BIRC6: variants seen among roughly 807,000 people sequenced by gnomAD.
BIRC6 encodes dual E2 ubiquitin-conjugating enzyme/E3 ubiquitin-protein ligase BIRC6.
Under a neutral mutation model 503.3 loss-of-function variants are expected in BIRC6, and 98 were observed. That is an observed-to-expected ratio of 0.19 (90% CI 0.17 to 0.23). BIRC6 has a LOEUF of 0.23. BIRC6 is among the 10% of genes least tolerant of loss of function. The pLI is 1.00. For synonymous variants in BIRC6, 2,240 were observed against 2,078.7 expected (o/e 1.08, Z -2.11); for missense variants, 5,360 against 5,806.0 (o/e 0.92, Z 2.50).
rs572252362 is a variant in BIRC6 at position 32,616,286 on chromosome 2, A to T, written c.14395-1439A>T. ...TTCTATAGGCTGGGTGAATCTGGGT[A>T]CAGATTCACACCTGTAATCCCAGCA... On this transcript the variant is annotated intron_variant, in intron 73 of 73. Coordinates refer to ENST00000421745, the MANE Select transcript of BIRC6 (RefSeq NM_016252.4). Among the ~76,000 whole-genome samples the T allele has an allele frequency of 1.4e-4, 21 of 152,162 alleles. 1 individual carries two copies. Among genetic ancestry groups the T allele is most frequent in the African/African-American group, 4.8e-4 (20 of 41,520 alleles).
At chr2:32,544,528 A>G (rs1221404897) in intron 62 of BIRC6, among the ~76,000 whole-genome samples, 1 of 133,968 alleles carries the variant, frequency 7.5e-6, no homozygotes, top group African/African-American at 2.8e-5. Context: ...TATTTATTCT[A>G]TTAATATTTA....
Position 32,484,173 on chromosome 2 carries a change from G to C in BIRC6, c.7697-1470G>C, listed in dbSNP as rs543378879. 5.3e-5 allele frequency among the ~76,000 whole-genome samples: 8 copies of C among 152,176 alleles called. No individual in the cohort carries two copies. In the East Asian group the frequency reaches 1.5e-3, roughly 29 times the overall value. ...ATTAAAGGTGTGAGCCATTGTGCCC[G>C]GCTGCTGTAAAAAGTTTTTTGGGGG... On this transcript the variant is annotated intron_variant, in intron 39 of 73. Transcript: ENST00000421745.
chr2:32,515,357 C>T lies in BIRC6; in HGVS notation c.10936C>T (p.His3646Tyr). Residue 3646 changes from histidine to tyrosine, a missense_variant, in exon 55 of 74, where the codon CAC becomes TAC. Physicochemically the swap from His to Tyr is moderately conservative, Grantham distance 83. Coordinates refer to ENST00000421745, the MANE Select transcript of BIRC6 (RefSeq NM_016252.4). Reference sequence around the variant, plus strand: ...GAGTCTGGCTAGTTTCTGCTTTAGCCACATTTCTAGCTCAGAAAGCATTGC... The same window carrying T: ...GAGTCTGGCTAGTTTCTGCTTTAGCTACATTTCTAGCTCAGAAAGCATTGC... The part of the protein sequence containing the change: ...VRSLASFCFS[H>Y]ISSSESIAQS... 9 of 1,613,692 alleles carry T rather than the reference C, an allele frequency of 5.6e-6. No homozygotes were observed. The highest frequency in any genetic ancestry group is 6.8e-6 in the Non-Finnish European group (8 of 1,179,888).
At chr2:32,444,031 G>GTTTTTT (rs776568064) in intron 20 of BIRC6, among the ~76,000 whole-genome samples, 1 of 136,880 alleles carries the variant, frequency 7.3e-6, no homozygotes, top group Non-Finnish European at 1.6e-5. Context: ...GGGACCAGTG[G>GTTTTTT]TTTTTTTTTT....
At chr2:32,550,962 A>G (rs1223844781) in intron 65 of BIRC6, among the ~76,000 whole-genome samples, 1 of 152,124 alleles carries the variant, frequency 6.6e-6, no homozygotes, top group African/African-American at 2.4e-5. Context: ...CCTGGAAAAA[A>G]GAAATTTCTT....
intron 24 of BIRC6, among the ~76,000 whole-genome samples, chr2:32,463,886 C>T (rs1394757656): frequency 6.6e-6 from 1 of 152,206 alleles, no homozygotes; most frequent in African/African-American, 2.4e-5. Context: ...AAGCAAGCAC[C>T]ACCTGAGCTC....
intron 6 of BIRC6, among the ~76,000 whole-genome samples, chr2:32,397,779 C>T (rs1196077967): frequency 6.6e-6 from 1 of 151,600 alleles, no homozygotes; most frequent in Non-Finnish European, 1.5e-5. Context: ...GTTATTTAAC[C>T]TATACCTGAA....
intron 67 of BIRC6, among the ~76,000 whole-genome samples, chr2:32,594,524 G>A (rs762839594): frequency 3.3e-5 from 5 of 152,130 alleles, no homozygotes; most frequent in African/African-American, 4.8e-5. Context: ...GTGAAACCCC[G>A]TCTCTACGAA....
chr2:32,401,068 G>A, intron 6 of BIRC6, 95 bp from the exon 7 acceptor site: 1 of 1,072,514 alleles, frequency 9.3e-7, no homozygotes, highest in African/African-American at 1.6e-5. Context: ...TTTAAGTTCA[G>A]TTAAAAAAAG....
At chr2:32,560,450 A>G (rs1285160081) in intron 65 of BIRC6, among the ~76,000 whole-genome samples, 2 of 152,220 alleles carry the variant, frequency 1.3e-5, no homozygotes, top group Admixed American at 6.5e-5. Flanking sequence ...GGCCTCTCCT[A>G]ATGCTAACTC....
At chr2:32,489,451 G>C (rs1265668998) in intron 42 of BIRC6, among the ~76,000 whole-genome samples, 1 of 151,268 alleles carries the variant, frequency 6.6e-6, no homozygotes, top group Admixed American at 6.6e-5. Flanking sequence ...AATAAAATTT[G>C]TTTTCATCTG....
At chr2:32,446,955 T>C (rs562450605) in intron 21 of BIRC6, among the ~76,000 whole-genome samples, 180 of 107,584 alleles carry the variant, frequency 1.7e-3, no homozygotes, top group Admixed American at 2.5e-3. Context: ...GTGATGACTC[T>C]TAACGAGCAT....
intron 58 of BIRC6, 95 bp downstream of exon 58, chr2:32,525,114 AAT>A: frequency 9.0e-7 from 1 of 1,108,548 alleles, no homozygotes; most frequent in Non-Finnish European, 1.2e-6. Flanking sequence ...ACATTGTACT[AAT>A]ATAAAAAGCT....
intron 59 of BIRC6, chr2:32,527,702 A>G (rs572937096): frequency 1.6e-4 from 24 of 152,602 alleles, no homozygotes; most frequent in African/African-American, 5.1e-4. Flanking sequence ...CTCCTTACAT[A>G]TGTAAAAAAT....
chr2:32,407,438 T>G (rs2041353467), intron 9 of BIRC6, among the ~76,000 whole-genome samples: 1 of 129,864 alleles, frequency 7.7e-6, no homozygotes, highest in Non-Finnish European at 1.6e-5. Flanking sequence ...AGAGAGAAAC[T>G]CTGTCTCAAA....
intron 66 of BIRC6, chr2:32,590,695 A>G (rs560844466): frequency 1.3e-6 from 1 of 781,134 alleles, no homozygotes; most frequent in African/African-American, 1.9e-5. Context: ...CAGAGCCAAA[A>G]TTTGTTTAAC....
chr2:32,397,393 A>T (rs2040020477), intron 6 of BIRC6, among the ~76,000 whole-genome samples: 2 of 151,668 alleles, frequency 1.3e-5, no homozygotes, highest in Non-Finnish European at 2.9e-5. Context: ...AATCACTTGA[A>T]CTGGGGAGGC....
At chr2:32,574,263 G>A (rs147053500) in intron 65 of BIRC6, among the ~76,000 whole-genome samples, 112 of 150,130 alleles carry the variant, frequency 7.5e-4, no homozygotes, top group African/African-American at 2.5e-3. Flanking sequence ...ACAGGTGTGC[G>A]CCACCACGCC....
At chr2:32,471,179 G>T in intron 32 of BIRC6, 55 bp downstream of exon 32, 1 of 1,540,206 alleles carries the variant, frequency 6.5e-7, no homozygotes, top group Non-Finnish European at 8.8e-7. Context: ...TAATATGTTG[G>T]TGGGGATTTT....
Sources: allele counts gnomAD v4.1 joint callset (sites outside exome capture counted in the v4.1 genomes callset), GRCh38; gene constraint gnomAD v4.1.1; transcripts MANE v1.5; gene names NCBI Gene and HGNC (gene_info 2026-07-23, HGNC 2026-07-21).